ARPP21: variants seen among roughly 807,000 people sequenced by gnomAD.
ARPP21 encodes the protein cAMP regulated phosphoprotein 21.
ARPP21 carries 69 observed loss-of-function variants against 113.2 expected under a neutral mutation model. That is an observed-to-expected ratio of 0.61 (90% CI 0.50 to 0.74). ARPP21 has a LOEUF of 0.74. Among genes scored for constraint, ARPP21 ranks in the 30% least tolerant of loss-of-function variants. The pLI is 0.00. For missense variants in ARPP21, 1,070 were observed against 1,037.4 expected (o/e 1.03, Z -0.43); for synonymous variants, 368 against 375.5 (o/e 0.98, Z 0.23).
chr3:35,679,425 A>C (rs1323853018), intron 1 of ARPP21, among the ~76,000 whole-genome samples: 1 of 151,862 alleles, frequency 6.6e-6, no homozygotes, highest in Non-Finnish European at 1.5e-5. Context: ...AAAAAGAGGC[A>C]AGACTTTTGC....
intron 19 of ARPP21, among the ~76,000 whole-genome samples, chr3:35,785,747 G>A (rs546025571): frequency 2.5e-4 from 38 of 152,242 alleles, no homozygotes; most frequent in Non-Finnish European, 4.6e-4. Flanking sequence ...GAGGAAGTAC[G>A]AAGAAAAACT....
At chr3:35,717,248 T>C (rs769426597) in intron 12 of ARPP21, 50 bp from the exon 13 acceptor site, 5 of 1,064,620 alleles carry the variant, frequency 4.7e-6, no homozygotes, top group Middle Eastern at 2.0e-4. Context: ...ACACAAGGCA[T>C]TTAGTACCCT....
chr3:35,720,743 AT>A (rs1341008968), intron 13 of ARPP21, among the ~76,000 whole-genome samples: 1 of 152,162 alleles, frequency 6.6e-6, no homozygotes, highest in Non-Finnish European at 1.5e-5. Context: ...AACACATGCA[AT>A]TTTGCATATT....
intron 19 of ARPP21, among the ~76,000 whole-genome samples, chr3:35,788,542 A>T (rs935400856): frequency 6.6e-6 from 1 of 152,192 alleles, no homozygotes; most frequent in African/African-American, 2.4e-5. Flanking sequence ...TGCTGTCTTC[A>T]GTATACCGCC....
chr3:35,683,413 T>C (rs2079561518), intron 4 of ARPP21, among the ~76,000 whole-genome samples: 1 of 151,790 alleles, frequency 6.6e-6, no homozygotes, highest in Admixed American at 6.6e-5. Context: ...ATTTTATCAC[T>C]TTTTCCTCCT....
intron 8 of ARPP21, 141 bp downstream of exon 8, chr3:35,690,281 T>C: frequency 3.3e-6 from 2 of 614,558 alleles, no homozygotes. Context: ...GAGACATTAT[T>C]GGAGTTAGGA....
chr3:35,715,596 C>A, intron 12 of ARPP21, 120 bp downstream of exon 12: 1 of 758,144 alleles, frequency 1.3e-6, no homozygotes, highest in Non-Finnish European at 2.2e-6. Context: ...TTAGCAGATA[C>A]ATATATCTAT....
rs543595738 is a variant in ARPP21 at position 35,743,311 on chromosome 3, T to C, written c.2011-528T>C. On this transcript the variant is annotated intron_variant, in intron 18 of 20. Coordinates refer to ENST00000684406, the MANE Select transcript of ARPP21 (RefSeq NM_001385562.1). ...TTGTTTCATCTAAAAAACACAAAAG[T>C]CTTGTTTTAAAACAACCATTGTATG... is the stretch of plus-strand genomic sequence containing the variant. Among the ~76,000 whole-genome samples, 182 of 152,324 alleles carry C rather than the reference T, an allele frequency of 1.2e-3. 1 individual carries two copies. Among genetic ancestry groups the C allele is most frequent in the African/African-American group, 3.7e-3 (155 of 41,570 alleles).
At chr3:35,768,760 A>T (rs893697088) in intron 19 of ARPP21, among the ~76,000 whole-genome samples, 6 of 152,180 alleles carry the variant, frequency 3.9e-5, no homozygotes, top group African/African-American at 1.2e-4. Flanking sequence ...AATCATTACC[A>T]TAATACAGTG....
intron 15 of ARPP21, among the ~76,000 whole-genome samples, chr3:35,736,766 G>A (rs1332988176): frequency 6.6e-6 from 1 of 152,198 alleles, no homozygotes; most frequent in Non-Finnish European, 1.5e-5. Flanking sequence ...GTGACTGAAT[G>A]TAGCTGGAGG....
In ARPP21 at chr3:35,721,844, A is replaced by C; in HGVS notation, c.1225+10A>C. On this transcript the variant is annotated intron_variant, in intron 14 of 20. Coordinates refer to ENST00000684406, the MANE Select transcript of ARPP21 (RefSeq NM_001385562.1). Reference sequence around the variant, plus strand: ...AAGCTGTCCAAAGCAGGTAGTTAGTACTGAATGTGTTTATGTCCTGTGGTA... The same window carrying C: ...AAGCTGTCCAAAGCAGGTAGTTAGTCCTGAATGTGTTTATGTCCTGTGGTA... The C allele has an allele frequency of 6.4e-7, 1 of 1,557,586 alleles. No individual in the cohort carries two copies. Among genetic ancestry groups the C allele is most frequent in the Non-Finnish European group, 8.8e-7 (1 of 1,142,578 alleles).
intron 19 of ARPP21, among the ~76,000 whole-genome samples, chr3:35,787,902 G>A (rs775191231): frequency 3.9e-5 from 6 of 152,126 alleles, no homozygotes; most frequent in Admixed American, 6.5e-5. Flanking sequence ...ACAATTCCTC[G>A]TAATAGCTCT....
chr3:35,699,816 A>G (rs1173529425), intron 9 of ARPP21, among the ~76,000 whole-genome samples: 2 of 151,838 alleles, frequency 1.3e-5, no homozygotes, highest in East Asian at 1.9e-4. Flanking sequence ...ATTACAATAT[A>G]TAAGCAGAAA....
intron 19 of ARPP21, among the ~76,000 whole-genome samples, chr3:35,779,563 A>T (rs917306732): frequency 1.3e-5 from 2 of 148,964 alleles, no homozygotes; most frequent in Admixed American, 1.3e-4. Flanking sequence ...CTCAAGATAA[A>T]TGAATGTAGG....
intron 15 of ARPP21, among the ~76,000 whole-genome samples, chr3:35,729,776 A>T (rs550727560): frequency 6.6e-6 from 1 of 152,320 alleles, no homozygotes; most frequent in Non-Finnish European, 1.5e-5. Context: ...TTCCAGAAGC[A>T]TCCACTTTTC....
intron 19 of ARPP21, among the ~76,000 whole-genome samples, chr3:35,791,395 A>G (rs548058916): frequency 6.6e-6 from 1 of 152,312 alleles, no homozygotes; most frequent in Non-Finnish European, 1.5e-5. Flanking sequence ...TAGGTGCTCT[A>G]CATGGTTAAT....
At chr3:35,789,126 T>C (rs2096692110) in intron 19 of ARPP21, among the ~76,000 whole-genome samples, 1 of 152,238 alleles carries the variant, frequency 6.6e-6, no homozygotes, top group African/African-American at 2.4e-5. Flanking sequence ...TTGCTAATCC[T>C]CAATAAATAT....
intron 9 of ARPP21, among the ~76,000 whole-genome samples, chr3:35,704,111 G>A (rs2087652871): frequency 6.6e-6 from 1 of 151,702 alleles, no homozygotes; most frequent in African/African-American, 2.4e-5. Flanking sequence ...AATTCAAATA[G>A]TTTCTCCATG....
intron 19 of ARPP21, among the ~76,000 whole-genome samples, chr3:35,788,983 C>A (rs998625245): frequency 6.6e-6 from 1 of 152,118 alleles, no homozygotes; most frequent in African/African-American, 2.4e-5. Context: ...ATAAATGACA[C>A]ATGTGACTTG....
Sources: gnomAD v4.1 joint callset for allele counts (sites outside exome capture counted in the v4.1 genomes callset) on GRCh38, gnomAD v4.1.1 for gene constraint, MANE v1.5 for transcripts, NCBI Gene and HGNC (gene_info 2026-07-23, HGNC 2026-07-21) for gene names.